Variants in KRT74 observed in about 807,000 individuals in gnomAD.
KRT74 encodes keratin 74, also known as keratin, type II cytoskeletal 74.
KRT74 carries 43 observed loss-of-function variants against 42.7 expected under a neutral mutation model. That is an observed-to-expected ratio of 1.01 (90% CI 0.79 to 1.30). KRT74 has a LOEUF of 1.30. Among genes scored for constraint, KRT74 ranks in the 50% most tolerant of loss-of-function variants. KRT74 has a pLI of 0.00. For missense variants in KRT74, 736 were observed against 689.1 expected (o/e 1.07, Z -0.76); for synonymous variants, 302 against 279.0 (o/e 1.08, Z -0.82).
In KRT74 at chr12:52,569,338, G is replaced by A. The variant is rs1056445442; in HGVS notation, c.1134+521C>T. On this transcript the variant is annotated intron_variant, in intron 6 of 8. Transcript: ENST00000305620. Reference sequence around the variant, plus strand: ...GGAACCCAGGAGGGCTTCATCGACAGCTGTGTCCCTCAGTCAACAGACCAT... The same window carrying A: ...GGAACCCAGGAGGGCTTCATCGACAACTGTGTCCCTCAGTCAACAGACCAT... 1.3e-4 allele frequency among the ~76,000 whole-genome samples: 18 copies of A among 135,702 alleles called. No homozygotes were observed. The Admixed American group carries it at 1.5e-3, about 11-fold the overall frequency. 89.0% of individuals were successfully genotyped at this position (135,702 alleles called of 152,430 possible).
chr12:52,569,588 T>A, intron 6 of KRT74: 1 of 599,188 alleles, frequency 1.7e-6, no homozygotes, highest in Non-Finnish European at 3.0e-6. Flanking sequence ...AGCTGGGGGC[T>A]CTGGGAAAGT....
At position 52,573,384 on chromosome 12, in the gene KRT74, C is replaced by T; in HGVS notation, c.394G>A (p.Glu132Lys). Reference protein sequence around the residue: ...LAPLNVELDPEIQKVRAQERE... With the variant: ...LAPLNVELDPKIQKVRAQERE... The stretch of plus-strand genomic sequence containing the variant: ...TCCTGGGCGCGCACCTTCTGGATCT[C>T]AGGGTCCAGCTCCACGTTGAGGGGG... Residue 132 changes from glutamate to lysine, a missense_variant, in exon 1 of 9, where the codon GAG (glutamate) becomes AAG (lysine). Glu to Lys is a moderately conservative substitution (Grantham distance 56, BLOSUM62 1). Coordinates refer to ENST00000305620, the MANE Select transcript of KRT74 (RefSeq NM_175053.4). 6.2e-7 allele frequency: 1 copy of T among 1,614,260 alleles called. No homozygotes were observed. Among genetic ancestry groups the T allele is most frequent in the South Asian group, 1.1e-5 (1 of 91,082 alleles).
chr12:52,568,524 G>T, intron 6 of KRT74, 135 bp from the exon 7 acceptor site: 1 of 885,404 alleles, frequency 1.1e-6, no homozygotes. Context: ...GCCAACACCA[G>T]AACTTTGTCT....
chr12:52,573,689 C>T lies in KRT74; in HGVS notation c.89G>A (p.Ser30Asn). 1 of 1,614,192 alleles carries T rather than the reference C, an allele frequency of 6.2e-7. No homozygotes were observed. The highest frequency in any genetic ancestry group is 1.1e-5 in the South Asian group (1 of 91,084). ...GCCAGCTGCACAGTAAGAAGCCAGG[C>T]TACCCACAGCCTTCCTTGGCACCAC... The part of the protein sequence containing the change: ...SAVVPRKAVG[S>N]LASYCAAGRG... Residue 30 changes from serine to asparagine, a missense_variant, in exon 1 of 9, where the codon AGC (serine) becomes AAC (asparagine). Coordinates refer to ENST00000305620, the MANE Select transcript of KRT74 (RefSeq NM_175053.4).
chr12:52,573,525 G>C lies in KRT74; in HGVS notation c.253C>G (p.Arg85Gly), dbSNP rs115878001. 3 of 1,614,040 alleles carry C rather than the reference G, an allele frequency of 1.9e-6. No homozygotes were observed. Among genetic ancestry groups the C allele is most frequent in the South Asian group, 2.2e-5 (2 of 91,080 alleles). ...ATACTGCCAGCAAAGCCACTGGCCC[G>C]GCCCCCTCCATACCCAGAGCCAGGC... ...FRPGSGYGGG[R>G]ASGFAGSMFG... Residue 85 changes from arginine to glycine, a missense_variant, in exon 1 of 9, where the codon CGG becomes GGG. Coordinates refer to ENST00000305620, the MANE Select transcript of KRT74 (RefSeq NM_175053.4).
intron 1 of KRT74, 35 bp downstream of exon 1, chr12:52,573,272 A>C (rs1469737883): frequency 6.3e-7 from 1 of 1,597,032 alleles, no homozygotes; most frequent in South Asian, 1.1e-5. Context: ...CTCAGGCCTC[A>C]GGGTGCGGCC....
In KRT74 at chr12:52,568,196, C is replaced by T. The variant is rs118113109; in HGVS notation, c.1328G>A (p.Arg443His). The T allele has an allele frequency of 0.017, 26,673 of 1,614,154 alleles. 316 individuals are homozygous for T. Among genetic ancestry groups the T allele is most frequent in the Non-Finnish European group, 0.018 (21,420 of 1,180,026 alleles). Residue 443 changes from arginine to histidine, a missense_variant, in exon 7 of 9, where the codon CGC (arginine) becomes CAC (histidine). By Grantham distance (29) the Arg-to-His change is conservative. Coordinates refer to ENST00000305620, the MANE Select transcript of KRT74 (RefSeq NM_175053.4). ...GCACTCCTCGCCCTCCAGCAGCTTG[C>T]GGTAGGTGGCAATCTCCATGTCCAG... ...LALDMEIATY[R>H]KLLEGEECRM...
In KRT74 at chr12:52,573,435, C is replaced by G. The variant is rs566825959; in HGVS notation, c.343G>C (p.Val115Leu). 6.2e-7 allele frequency: 1 copy of G among 1,614,214 alleles called. No individual in the cohort carries two copies. Among genetic ancestry groups the G allele is most frequent in the South Asian group, 1.1e-5 (1 of 91,084 alleles). The change falls in exon 1 of 9, where the codon GTC becomes CTC. Residue 115 changes from valine (V) to leucine (L), a missense_variant. By Grantham distance (32) the Val-to-Leu change is conservative (BLOSUM62 1). Transcript: ENST00000305620. ...GCCAAGAGGCTCTTGTTGACAGTGA[C>G]CTGGTGGATGCCCCCAGGTGGGCAC... is the stretch of plus-strand genomic sequence containing the variant. ...SVCPPGGIHQ[V>L]TVNKSLLAPL... is the part of the protein sequence containing the mutation.
chr12:52,571,920 T>G, intron 3 of KRT74, 24 bp downstream of exon 3: 1 of 1,459,352 alleles, frequency 6.9e-7, no homozygotes, highest in Non-Finnish European at 9.6e-7. Context: ...GAGACCCTAA[T>G]AAGGAGGCTC....
chr12:52,568,868 T>C (rs968216448), intron 6 of KRT74, among the ~76,000 whole-genome samples: 4 of 152,188 alleles, frequency 2.6e-5, no homozygotes, highest in African/African-American at 7.2e-5. Flanking sequence ...GGGGAGAGTC[T>C]GTGTGAAGGC....
intron 8 of KRT74, among the ~76,000 whole-genome samples, chr12:52,567,452 G>A (rs900485789): frequency 1.3e-5 from 2 of 152,122 alleles, no homozygotes; most frequent in African/African-American, 4.8e-5. Context: ...AACGTCCCAG[G>A]GGAGAAACAG....
At position 52,566,866 on chromosome 12, in the gene KRT74, C is replaced by T; in HGVS notation, c.*103G>A. ...TGCAGACAGTTGAGTGTACTACAGA[C>T]AGTTTTAAAACTCAGGGCCTGGGAA... On this transcript the variant is annotated 3_prime_UTR_variant, in exon 9 of 9. Coordinates refer to ENST00000305620, the MANE Select transcript of KRT74 (RefSeq NM_175053.4). 8.8e-6 allele frequency: 8 copies of T among 907,726 alleles called. No individual in the cohort carries two copies. Among genetic ancestry groups the T allele is most frequent in the Non-Finnish European group, 1.4e-5 (8 of 586,220 alleles). The allele number at this position is 907,726 out of a possible 1,614,324, so 56.2% of individuals were successfully genotyped here.
At chr12:52,571,050 T>G (rs1939470888) in intron 4 of KRT74, among the ~76,000 whole-genome samples, 1 of 152,258 alleles carries the variant, frequency 6.6e-6, no homozygotes, top group Non-Finnish European at 1.5e-5. Flanking sequence ...CGCTGGCACA[T>G]GCAGACGGGT....
At chr12:52,568,462 T>C (rs779304763) in intron 6 of KRT74, 73 bp from the exon 7 acceptor site, 4 of 1,516,748 alleles carry the variant, frequency 2.6e-6, no homozygotes, top group African/African-American at 2.8e-5. Context: ...AGTAGAACAA[T>C]GCCCTCATTT....
chr12:52,566,341 A>T lies in KRT74; in HGVS notation c.*628T>A, dbSNP rs1004149661. ...TAGTAGGTGCTTGACAAATGATGGT[A>T]GCTATTGCTGATAATGAAGGAGGTG... On this transcript the variant is annotated 3_prime_UTR_variant, in exon 9 of 9. Transcript: ENST00000305620. 3.9e-5 allele frequency: 6 copies of T among 152,092 alleles called. No individual in the cohort carries two copies. Among genetic ancestry groups the T allele is most frequent in the African/African-American group, 1.2e-4 (5 of 41,400 alleles). The allele number at this position is 152,092 out of a possible 1,614,324, so 9.4% of individuals were successfully genotyped here.
intron 6 of KRT74, chr12:52,569,485 G>A: frequency 3.3e-6 from 2 of 611,934 alleles, no homozygotes; most frequent in South Asian, 1.9e-5. Flanking sequence ...CCTCAGAGGG[G>A]GCACCCAAAG....
intron 1 of KRT74, 117 bp from the exon 2 acceptor site, chr12:52,572,784 C>G: frequency 1.1e-6 from 1 of 892,514 alleles, no homozygotes; most frequent in Non-Finnish European, 1.8e-6. Context: ...TTGCTCATGT[C>G]TTGACTCTCC....
At chr12:52,569,838 C>T (rs201347932) in intron 6 of KRT74, 21 bp downstream of exon 6, 50 of 1,614,002 alleles carry the variant, frequency 3.1e-5, no homozygotes, top group Middle Eastern at 3.3e-4. Context: ...ACCGGGAGTT[C>T]TTTGTGGGGC....
chr12:52,569,542 G>A, intron 6 of KRT74: 1 of 597,774 alleles, frequency 1.7e-6, no homozygotes, highest in Non-Finnish European at 3.0e-6. Context: ...CTGCAGAAGG[G>A]GAACCTGGGT....
Sources: allele counts gnomAD v4.1 joint callset (sites outside exome capture counted in the v4.1 genomes callset), GRCh38; gene constraint gnomAD v4.1.1; transcripts MANE v1.5; gene names NCBI Gene and HGNC (gene_info 2026-07-23, HGNC 2026-07-21).